The following APOB variants were observed in gnomAD, a reference collection of about 807,000 sequenced individuals.
APOB encodes the protein apolipoprotein B.
Under a neutral mutation model 314.1 loss-of-function variants are expected in APOB, and 153 were observed. That is an observed-to-expected ratio of 0.49 (90% CI 0.43 to 0.56). APOB has a LOEUF of 0.56. Ranked by LOEUF, APOB falls within the 20% of genes least tolerant of loss-of-function variation. The pLI is 0.00. For synonymous variants in APOB, 2,087 were observed against 2,036.4 expected, an observed-to-expected ratio of 1.02 and a Z score of -0.67; for missense variants, 5,430 against 5,350.7, an observed-to-expected ratio of 1.01 and a Z score of -0.46.
intron 16 of APOB, 167 bp downstream of exon 16, chr2:21,024,766 G>A (rs1663691146): frequency 1.3e-6 from 1 of 751,518 alleles, no homozygotes; most frequent in Admixed American, 2.0e-5. Context: ...ACATTTCCAT[G>A]TGATCCAAGA....
chr2:21,030,046 G>C, intron 10 of APOB, 31 bp from the exon 11 acceptor site: 2 of 1,397,416 alleles, frequency 1.4e-6, no homozygotes, highest in Non-Finnish European at 2.0e-6. Flanking sequence ...GTCAGGACTT[G>C]GTAACCCCAG....
chr2:21,007,763 A>G lies in APOB; in HGVS notation c.9105T>C (p.Asn3035=), dbSNP rs147510760. The G allele has an allele frequency of 3.0e-3, 4,774 of 1,613,982 alleles. 11 individuals are homozygous for G. The highest frequency in any genetic ancestry group is 3.7e-3 in the Non-Finnish European group (4,343 of 1,179,938). ...LNGKVIGTLK[N]SLFFSAQPFE... ...ATGGCTGGGCTGAAAAGAAAAGAGAATTTTTCAAAGTTCCAATAACCTTTC... is the reference window on the plus strand; with the variant it reads ...ATGGCTGGGCTGAAAAGAAAAGAGAGTTTTTCAAAGTTCCAATAACCTTTC... Residue 3035 remains asparagine, a synonymous_variant, in exon 26 of 29, where the codon AAT becomes AAC. Coordinates refer to ENST00000233242, the MANE Select transcript of APOB (RefSeq NM_000384.3).
chr2:21,017,010 T>C (rs567725520), intron 20 of APOB, among the ~76,000 whole-genome samples: 1,410 of 134,354 alleles, frequency 0.01, 23 homozygotes, highest in Non-Finnish European at 0.015. Flanking sequence ...AATAAATAAA[T>C]AAATAAACAA....
chr2:21,014,803 C>A lies in APOB; in HGVS notation c.3697-210G>T, dbSNP rs534008508. On this transcript the variant is annotated intron_variant, in intron 23 of 28. Transcript: ENST00000233242. ...TAAAAGGAATGTCTAACATAGTCAG[C>A]CTCCTAGCTGGTGTCCTGAAGCTTC... is the stretch of plus-strand genomic sequence containing the variant. Among the ~76,000 whole-genome samples the A allele has an allele frequency of 1.5e-4, 23 of 152,334 alleles. No individual in the cohort carries two copies. The South Asian group carries it at 4.8e-3, about 32-fold the overall frequency.
In APOB at chr2:21,027,824, T is replaced by G; in HGVS notation, c.2067+4A>C. 1 of 1,607,666 alleles carries G rather than the reference T, an allele frequency of 6.2e-7. No individual in the cohort carries two copies. The highest frequency in any genetic ancestry group is 1.7e-5 in the Admixed American group (1 of 60,014). On this transcript the variant is annotated splice_donor_region_variant and intron_variant, in intron 14 of 28. Coordinates refer to ENST00000233242, the MANE Select transcript of APOB (RefSeq NM_000384.3). ...CTAGAGAACCTCAAACTCTTCACACTTACCTCGATGAGGTCAGCTGAAGCA... is the reference window on the plus strand; with the variant it reads ...CTAGAGAACCTCAAACTCTTCACACGTACCTCGATGAGGTCAGCTGAAGCA...
At chr2:21,014,371 A>C (rs1663412796) in intron 24 of APOB, 77 bp downstream of exon 24, 1 of 1,550,276 alleles carries the variant, frequency 6.5e-7, no homozygotes, top group Non-Finnish European at 8.8e-7. Flanking sequence ...AATTTAAAAA[A>C]ATGTCTAAAT....
Position 21,002,951 on chromosome 2 carries a change from A to G in APOB, c.12471T>C (p.Thr4157=). The G allele has an allele frequency of 6.2e-7, 1 of 1,610,794 alleles. No individual in the cohort carries two copies. Among genetic ancestry groups the G allele is most frequent in the Non-Finnish European group, 8.5e-7 (1 of 1,178,186 alleles). ...KAQNLYQELL[T]QEGQASFQGL... is the part of the protein sequence containing the mutation. ...CCTGGAAACTGGCTTGGCCTTCCTG[A>G]GTCAACAGTTCCTGGTACAGATTCT... The change falls in exon 29 of 29, where the codon ACT becomes ACC. Residue 4157 remains threonine (T), a synonymous_variant. Coordinates refer to ENST00000233242, the MANE Select transcript of APOB (RefSeq NM_000384.3).
chr2:21,007,018 A>G lies in APOB; in HGVS notation c.9850T>C (p.Ser3284Pro). 1 of 1,614,038 alleles carries G rather than the reference A, an allele frequency of 6.2e-7. No individual in the cohort carries two copies. Among genetic ancestry groups the G allele is most frequent in the Non-Finnish European group, 8.5e-7 (1 of 1,179,946 alleles). ...ACACGGACGTCAGAACCTAGGATGG[A>G]GAAACTAGGCATGCTGACTGCTTTT... Reference protein sequence around the residue: ...FPKAVSMPSFSILGSDVRVPS... With the variant: ...FPKAVSMPSFPILGSDVRVPS... Residue 3284 changes from serine to proline, a missense_variant, in exon 26 of 29, where the codon TCC (serine) becomes CCC (proline). Around this residue, in one of 3 missense-constraint regions of APOB, gnomAD observed 3,281 missense variants for 3,171.0 expected, o/e 1.03. Coordinates refer to ENST00000233242, the MANE Select transcript of APOB (RefSeq NM_000384.3).
chr2:21,039,535 T>C (rs1218711116), intron 4 of APOB, among the ~76,000 whole-genome samples: 1 of 152,192 alleles, frequency 6.6e-6, no homozygotes, highest in Non-Finnish European at 1.5e-5. Context: ...GCCTACACTC[T>C]CTCAGAAAGT....
Position 21,023,680 on chromosome 2 carries a change from T to C in APOB, c.2449A>G (p.Ile817Val). 6.2e-7 allele frequency: 1 copy of C among 1,611,330 alleles called. No homozygotes were observed. Residue 817 changes from isoleucine to valine, a missense_variant, in exon 17 of 29, where the codon ATC (isoleucine) becomes GTC (valine). Coordinates refer to ENST00000233242, the MANE Select transcript of APOB (RefSeq NM_000384.3). ...QGIPQMIGEV[I>V]RKGSKNDFFL... is the part of the protein sequence containing the mutation. ...AAGTCATTCTTTGAGCCCTTCCTGA[T>C]GACCTCTCCAATCTGTAGACCCAAC...
rs761947252 is a variant in APOB, at chr2:21,027,848, C to G, written c.2047G>C (p.Ala683Pro). Residue 683 changes from alanine (A) to proline (P), a missense_variant, in exon 14 of 29, where the codon GCT becomes CCT. Around this residue, in one of 3 missense-constraint regions of APOB, gnomAD observed 2,085 missense variants for 2,079.7 expected, o/e 1.00. Transcript: ENST00000233242. ...CTTACCTCGATGAGGTCAGCTGAAG[C>G]AAATCCAAAGGCAGTGAGGGTAGTT... is the stretch of plus-strand genomic sequence containing the variant. ...LKTTLTAFGF[A>P]SADLIEIGLE... 2 of 1,613,872 alleles carry G rather than the reference C, an allele frequency of 1.2e-6. No individual in the cohort carries two copies. Among genetic ancestry groups the G allele is most frequent in the South Asian group, 1.1e-5 (1 of 91,058 alleles).
Position 21,005,243 on chromosome 2 carries a change from A to G in APOB, c.11625T>C (p.Ile3875=). ...PSIKFSVPAG[I]VIPSFQALTA... Reference sequence around the variant, plus strand: ...TCAGTGCTTGAAAGGAAGGAATGACAATTCCAGCAGGTACAGAGAACTTAA... The same window carrying G: ...TCAGTGCTTGAAAGGAAGGAATGACGATTCCAGCAGGTACAGAGAACTTAA... The change falls in exon 26 of 29, where the codon ATT becomes ATC. Residue 3875 remains isoleucine, a synonymous_variant. Transcript: ENST00000233242. 1 of 1,614,082 alleles carries G rather than the reference A, an allele frequency of 6.2e-7. No homozygotes were observed. The highest frequency in any genetic ancestry group is 8.5e-7 in the Non-Finnish European group (1 of 1,179,962).
intron 10 of APOB, 47 bp downstream of exon 10, chr2:21,032,307 A>T: frequency 6.6e-7 from 1 of 1,522,508 alleles, no homozygotes; most frequent in Non-Finnish European, 9.0e-7. Flanking sequence ...CAGAGGTGCA[A>T]GATGTTCCTC....
intron 28 of APOB, among the ~76,000 whole-genome samples, chr2:21,003,950 C>T (rs1189137805): frequency 6.6e-6 from 1 of 152,132 alleles, no homozygotes; most frequent in East Asian, 1.9e-4. Context: ...GAAACCAGTC[C>T]TCTCTGAAAA....
In APOB at chr2:21,040,994, G is replaced by A; in HGVS notation, c.327C>T (p.Gly109=). 6.2e-7 allele frequency: 1 copy of A among 1,613,942 alleles called. No homozygotes were observed. The highest frequency in any genetic ancestry group is 1.7e-5 in the Admixed American group (1 of 60,028). The part of the protein sequence containing the change: ...LKEVYGFNPE[G]KALLKKTKNS... ...TCTTGGTTTTCTTCAGCAAGGCTTT[G>A]CCCTCAGGGTTGAAGCCATACACCT... Residue 109 remains glycine, a synonymous_variant, in exon 4 of 29, where the codon GGC becomes GGT. Coordinates refer to ENST00000233242, the MANE Select transcript of APOB (RefSeq NM_000384.3).
Position 21,035,570 on chromosome 2 carries a change from A to G in APOB, c.818+14T>C, listed in dbSNP as rs753032495. On this transcript the variant is annotated intron_variant, in intron 7 of 28. Transcript: ENST00000233242. ...CCATTAAATGACAAATCAGGGGTGCATCACATGACCTACTTGTAGGAGAAA... is the reference window on the plus strand; with the variant it reads ...CCATTAAATGACAAATCAGGGGTGCGTCACATGACCTACTTGTAGGAGAAA... The G allele has an allele frequency of 1.6e-5, 26 of 1,613,846 alleles. No individual in the cohort carries two copies. The highest frequency in any genetic ancestry group is 1.3e-4 in the Admixed American group (8 of 60,006).
chr2:21,033,198 G>T, intron 9 of APOB, 101 bp downstream of exon 9: 2 of 856,928 alleles, frequency 2.3e-6, no homozygotes, highest in Non-Finnish European at 2.0e-6. Context: ...TAACTGGATT[G>T]ATATCCAAAT....
rs766005962 is a variant in APOB at position 21,010,071 on chromosome 2, A to C, written c.6797T>G (p.Leu2266Arg). 4 of 1,613,412 alleles carry C rather than the reference A, an allele frequency of 2.5e-6. No individual in the cohort carries two copies. Among genetic ancestry groups the C allele is most frequent in the Non-Finnish European group, 3.4e-6 (4 of 1,179,882 alleles). Residue 2266 changes from leucine (L) to arginine (R), a missense_variant, in exon 26 of 29, where the codon CTG (leucine) becomes CGG (arginine). Physicochemically the swap from Leu to Arg is moderately radical, Grantham distance 102 (BLOSUM62 -2). Around this residue, in one of 3 missense-constraint regions of APOB, gnomAD observed 3,281 missense variants for 3,171.0 expected, o/e 1.03. Coordinates refer to ENST00000233242, the MANE Select transcript of APOB (RefSeq NM_000384.3). ...YQIRIQIQEK[L>R]QQLKRHIQNI... ...CTGTATGTGTCTCTTAAGCTGCTGC[A>C]GTTTTTCTTGTATCTGGATTCTGAT...
rs1264955033 is a variant in APOB at position 21,008,299 on chromosome 2, C to A, written c.8569G>T (p.Val2857Leu). 6.2e-7 allele frequency: 1 copy of A among 1,613,350 alleles called. No homozygotes were observed. Among genetic ancestry groups the A allele is most frequent in the African/African-American group, 1.3e-5 (1 of 74,860 alleles). ...GNAIEGKSNT[V>L]ASLHTEKNTL... ...TTTTTTTCTGTGTGTAAACTTGCCA[C>A]TGTGTTTGATTTTCCCTCAATAGCA... is the stretch of plus-strand genomic sequence containing the variant. Residue 2857 changes from valine to leucine, a missense_variant, in exon 26 of 29, where the codon GTG becomes TTG. Physicochemically the swap from Val to Leu is conservative, Grantham distance 32. Coordinates refer to ENST00000233242, the MANE Select transcript of APOB (RefSeq NM_000384.3).
Sources: allele counts gnomAD v4.1 joint callset (sites outside exome capture counted in the v4.1 genomes callset), GRCh38; gene constraint gnomAD v4.1.1; regional missense constraint gnomAD v4.1.1; transcripts MANE v1.5; gene names NCBI Gene and HGNC (gene_info 2026-07-23, HGNC 2026-07-21).